C9orf85: variants seen among roughly 807,000 people sequenced by gnomAD.
The protein encoded by C9orf85 is chromosome 9 open reading frame 85.
Under a neutral mutation model 14.9 loss-of-function variants are expected in C9orf85, and 16 were observed. The ratio of observed to expected loss-of-function variants is 1.08; its 90% CI spans 0.73 to 1.63. The LOEUF is 1.63. Ranked by LOEUF, C9orf85 falls within the 40% of genes most tolerant of loss-of-function variation. The probability of loss-of-function intolerance (pLI) is 0.00; values close to 1 mark genes in which losing one functional copy is unlikely to be tolerated. For synonymous variants in C9orf85, 45 were observed against 56.8 expected (o/e 0.79, Z 0.93); for missense variants, 172 against 186.1 (o/e 0.92, Z 0.44).
chr9:71,979,550 C>A (rs1242025131), intron 3 of C9orf85, among the ~76,000 whole-genome samples: 1 of 152,032 alleles, frequency 6.6e-6, no homozygotes, highest in African/African-American at 2.4e-5. Flanking sequence ...AGAAGCAAAC[C>A]CCTCCAATGA....
At chr9:71,969,556 G>A (rs1269168086) in intron 2 of C9orf85, among the ~76,000 whole-genome samples, 1 of 152,098 alleles carries the variant, frequency 6.6e-6, no homozygotes, top group Non-Finnish European at 1.5e-5. Flanking sequence ...GCCTGCGTTT[G>A]GCTGCATTGA....
At chr9:71,972,053 CT>C (rs1274930803) in intron 3 of C9orf85, among the ~76,000 whole-genome samples, 1 of 150,490 alleles carries the variant, frequency 6.6e-6, no homozygotes, top group African/African-American at 2.4e-5. Flanking sequence ...CTAATATAGA[CT>C]TTTAAAATTA....
intron 2 of C9orf85, among the ~76,000 whole-genome samples, chr9:71,956,056 A>C (rs1822371624): frequency 6.6e-6 from 1 of 152,172 alleles, no homozygotes; most frequent in Non-Finnish European, 1.5e-5. Flanking sequence ...TCAAGGAAAA[A>C]TAAATGGATT....
downstream of C9orf85, among the ~76,000 whole-genome samples, chr9:71,974,616 T>A (rs1822970054): frequency 6.6e-6 from 1 of 152,176 alleles, no homozygotes; most frequent in African/African-American, 2.4e-5. Context: ...AATACTAGCA[T>A]GAGCATTGTT....
At chr9:71,954,186 C>G (rs1822320913) in intron 2 of C9orf85, among the ~76,000 whole-genome samples, 1 of 148,282 alleles carries the variant, frequency 6.7e-6, no homozygotes, top group Non-Finnish European at 1.5e-5. Flanking sequence ...GGGACTCTAG[C>G]AGCAGGAGGC....
At position 71,911,857 on chromosome 9, in the gene C9orf85, C is replaced by T. The variant is rs1441291020; in HGVS notation, c.102+21C>T. 2.5e-6 allele frequency: 4 copies of T among 1,599,250 alleles called. No individual in the cohort carries two copies. In the African/African-American group the frequency reaches 4.0e-5, roughly 16 times the overall value. On this transcript the variant is annotated intron_variant, in intron 1 of 3. Coordinates refer to ENST00000334731, the MANE Select transcript of C9orf85 (RefSeq NM_182505.5). ...CCAAGGTAGGAACCTGCCTGTTGCA[C>T]CGTCTTTGACTCCAGGAAGGAATGG...
At chr9:71,944,171 T>A (rs1822021021) in intron 1 of C9orf85, among the ~76,000 whole-genome samples, 1 of 151,538 alleles carries the variant, frequency 6.6e-6, no homozygotes, top group Non-Finnish European at 1.5e-5. Context: ...GAGGCAGAGG[T>A]TGCAGTGAGC....
intron 1 of C9orf85, among the ~76,000 whole-genome samples, chr9:71,923,256 C>T (rs1221811708): frequency 2.0e-5 from 3 of 152,050 alleles, no homozygotes; most frequent in Admixed American, 1.3e-4. Context: ...CTTGATTTCC[C>T]TGCTTTTCTA....
chr9:71,947,179 G>T, intron 2 of C9orf85, 67 bp downstream of exon 2: 1 of 1,084,954 alleles, frequency 9.2e-7, no homozygotes, highest in South Asian at 1.6e-5. Flanking sequence ...TTCATTTCCT[G>T]ATTTTCAAAA....
intron 2 of C9orf85, among the ~76,000 whole-genome samples, chr9:71,949,062 T>C (rs1358599164): frequency 6.6e-6 from 1 of 152,250 alleles, no homozygotes; most frequent in Non-Finnish European, 1.5e-5. Flanking sequence ...GTAGTTTTAG[T>C]TAATAGGCCT....
At position 71,939,846 on chromosome 9, in the gene C9orf85, A is replaced by G. The variant is rs564549051; in HGVS notation, c.103-7160A>G. Among the ~76,000 whole-genome samples the G allele has an allele frequency of 9.2e-5, 14 of 152,316 alleles. 1 individual carries two copies. In the South Asian group the frequency reaches 1.4e-3, roughly 16 times the overall value. ...TTGAGAAAGGTACAAAGGCATTTCA[A>G]TGGTGCTGGAACAATTGTACATCTG... On this transcript the variant is annotated intron_variant, in intron 1 of 3. Coordinates refer to ENST00000334731, the MANE Select transcript of C9orf85 (RefSeq NM_182505.5).
In C9orf85 at chr9:71,914,859, C is replaced by T. The variant is rs182286142; in HGVS notation, c.102+3023C>T. 3.3e-5 allele frequency among the ~76,000 whole-genome samples: 5 copies of T among 152,304 alleles called. No homozygotes were observed. The East Asian group carries it at 5.8e-4, about 18-fold the overall frequency. ...AGAGGTCCCTCTGGCCATTGGTCAC[C>T]GGTACCCTCAAATGACTTATGGGGA... On this transcript the variant is annotated intron_variant, in intron 1 of 3. Coordinates refer to ENST00000334731, the MANE Select transcript of C9orf85 (RefSeq NM_182505.5).
At chr9:71,942,240 T>C (rs1821951788) in intron 1 of C9orf85, among the ~76,000 whole-genome samples, 1 of 152,236 alleles carries the variant, frequency 6.6e-6, no homozygotes, top group Non-Finnish European at 1.5e-5. Context: ...TGTGAAATGC[T>C]TTGTGTTGTA....
chr9:71,982,847 G>A lies in C9orf85; in HGVS notation c.514G>A (p.Ala172Thr), dbSNP rs556375288. 55 of 294,568 alleles carry A rather than the reference G, an allele frequency of 1.9e-4. 2 individuals are homozygous for A. The highest frequency in any genetic ancestry group is 1.4e-3 in the South Asian group (51 of 37,292). 18.2% of individuals were successfully genotyped at this position (294,568 alleles called of 1,614,324 possible). Residue 172 changes from alanine to threonine, a missense_variant, in exon 4 of 4, where the codon GCC becomes ACC. Coordinates refer to the C9orf85 transcript ENST00000377031. ...GATGGGGTTTCACTATGTTGGCCAG[G>A]CCGGTCTCGAACTCCTGACCTCATG...
chr9:71,979,145 A>C (rs1369104022), intron 3 of C9orf85, among the ~76,000 whole-genome samples: 1 of 152,250 alleles, frequency 6.6e-6, no homozygotes, highest in Non-Finnish European at 1.5e-5. Context: ...TGTGAAATCC[A>C]TGCCTTAAAA....
chr9:71,965,788 G>GT (rs1200585719), intron 2 of C9orf85, among the ~76,000 whole-genome samples: 1 of 152,124 alleles, frequency 6.6e-6, no homozygotes, highest in Non-Finnish European at 1.5e-5. Flanking sequence ...CATGTAAACA[G>GT]TGGTGACCTG....
At chr9:71,977,571 A>G (rs1564103950), downstream of C9orf85, among the ~76,000 whole-genome samples, 2 of 152,252 alleles carry the variant, frequency 1.3e-5, no homozygotes, top group Admixed American at 6.5e-5. Context: ...TAGATGTCAC[A>G]TTTATGCAAA....
chr9:71,928,530 A>G (rs1325175675), intron 1 of C9orf85, among the ~76,000 whole-genome samples: 4 of 152,160 alleles, frequency 2.6e-5, no homozygotes, highest in Admixed American at 1.3e-4. Flanking sequence ...TACAGACTGT[A>G]CTTAATTCTA....
intron 1 of C9orf85, among the ~76,000 whole-genome samples, chr9:71,913,339 C>T (rs1827564973): frequency 6.6e-6 from 1 of 151,990 alleles, no homozygotes; most frequent in Non-Finnish European, 1.5e-5. Context: ...ATAGGTATAC[C>T]GTGTTCAAAA....
Sources: gnomAD v4.1 joint callset for allele counts (sites outside exome capture counted in the v4.1 genomes callset) on GRCh38, gnomAD v4.1.1 for gene constraint, MANE v1.5 for transcripts, NCBI Gene and HGNC (gene_info 2026-07-23, HGNC 2026-07-21) for gene names.